The following RALGPS2 variants were observed in gnomAD, a reference collection of about 807,000 sequenced individuals.
The protein encoded by RALGPS2 is Ral GEF with PH domain and SH3 binding motif 2, also known as ras-specific guanine nucleotide-releasing factor RalGPS2.
In RALGPS2, 43 loss-of-function variants were observed where a neutral mutation model predicts 86.8. The ratio of observed to expected loss-of-function variants is 0.50; its 90% CI spans 0.39 to 0.64. RALGPS2 has a LOEUF of 0.64. Ranked by LOEUF, RALGPS2 falls within the 30% of genes least tolerant of loss-of-function variation. The probability of loss-of-function intolerance (pLI) is 0.00; values close to 1 mark genes in which losing one functional copy is unlikely to be tolerated. For missense variants in RALGPS2, 536 were observed against 694.6 expected, an observed-to-expected ratio of 0.77 and a Z score of 2.57; for synonymous variants, 243 against 231.3, an observed-to-expected ratio of 1.05 and a Z score of -0.46.
At chr1:178,783,202 A>G (rs1481483989) in intron 2 of RALGPS2, among the ~76,000 whole-genome samples, 2 of 152,206 alleles carry the variant, frequency 1.3e-5, no homozygotes, top group East Asian at 3.8e-4. Context: ...GCACTGTGAC[A>G]AAAACGAAGA....
In RALGPS2 at chr1:178,736,111, G is replaced by A. The variant is rs554505886; in HGVS notation, c.-84+10692G>A. Among the ~76,000 whole-genome samples the A allele has an allele frequency of 1.8e-4, 27 of 150,950 alleles. No homozygotes were observed. The South Asian group carries it at 5.2e-3, about 29-fold the overall frequency. On this transcript the variant is annotated intron_variant, in intron 1 of 19. Coordinates refer to ENST00000367635, the MANE Select transcript of RALGPS2 (RefSeq NM_152663.5). ...TCACTTGGCAGTTAGCTTTAAAAAC[G>A]TATATATGTTGATGTGTTATGTAAT...
chr1:178,900,838 G>T (rs1034734404), intron 17 of RALGPS2, among the ~76,000 whole-genome samples: 63 of 152,020 alleles, frequency 4.1e-4, no homozygotes, highest in Non-Finnish European at 8.8e-4. Flanking sequence ...TTCGCTGGTG[G>T]TTAAAGGGCA....
At chr1:178,878,299 TAAA>T (rs1196726357) in intron 9 of RALGPS2, among the ~76,000 whole-genome samples, 1 of 152,158 alleles carries the variant, frequency 6.6e-6, no homozygotes, top group Non-Finnish European at 1.5e-5. Flanking sequence ...TTTTATGGGT[TAAA>T]AAACTGAGTT....
At chr1:178,756,954 A>G (rs978093084) in intron 1 of RALGPS2, among the ~76,000 whole-genome samples, 3 of 152,138 alleles carry the variant, frequency 2.0e-5, no homozygotes, top group Non-Finnish European at 4.4e-5. Context: ...TGTTTGCATC[A>G]TATGTGATTT....
chr1:178,883,537 A>G lies in RALGPS2; in HGVS notation c.904+4A>G, dbSNP rs373650907. On this transcript the variant is annotated splice_donor_region_variant and intron_variant, in intron 11 of 19. Coordinates refer to ENST00000367635, the MANE Select transcript of RALGPS2 (RefSeq NM_152663.5). ...GCTTCCAGAGAAGATTTAGTAGGTC[A>G]GTACGTAGTTTTCTCTTGTTACCAA... 1.9e-6 allele frequency: 3 copies of G among 1,605,328 alleles called. No individual in the cohort carries two copies. The highest frequency in any genetic ancestry group is 2.6e-6 in the Non-Finnish European group (3 of 1,172,240).
chr1:178,864,364 C>T (rs1327983528), intron 8 of RALGPS2, among the ~76,000 whole-genome samples: 4 of 152,050 alleles, frequency 2.6e-5, no homozygotes, highest in African/African-American at 7.2e-5. Context: ...GATACCTTTT[C>T]TTGAGGCTGA....
rs571568563 is a variant in RALGPS2, at chr1:178,846,784, A to G, written c.607+13234A>G. On this transcript the variant is annotated intron_variant, in intron 8 of 19. Transcript: ENST00000367635. Reference sequence around the variant, plus strand: ...TTACCAGTGGTGTTTCCAACTGTGAATATTTCAGTGATTTGTTTTGTAATT... The same window carrying G: ...TTACCAGTGGTGTTTCCAACTGTGAGTATTTCAGTGATTTGTTTTGTAATT... 4.6e-5 allele frequency among the ~76,000 whole-genome samples: 7 copies of G among 152,344 alleles called. No homozygotes were observed. The South Asian group carries it at 1.2e-3, about 27-fold the overall frequency.
intron 8 of RALGPS2, among the ~76,000 whole-genome samples, chr1:178,874,464 A>T (rs1340739710): frequency 6.6e-6 from 1 of 152,194 alleles, no homozygotes; most frequent in Non-Finnish European, 1.5e-5. Flanking sequence ...GCGAGTTGTC[A>T]TCTGAGTTTA....
chr1:178,885,458 G>C (rs923694516), intron 12 of RALGPS2: 3 of 381,756 alleles, frequency 7.9e-6, no homozygotes, highest in Non-Finnish European at 1.4e-5. Flanking sequence ...ATTACAGAGG[G>C]CCATCATAAA....
intron 4 of RALGPS2, among the ~76,000 whole-genome samples, chr1:178,789,766 A>C (rs1316978002): frequency 6.6e-6 from 1 of 152,224 alleles, no homozygotes; most frequent in Non-Finnish European, 1.5e-5. Context: ...ACCAGATTTT[A>C]AGCTACATGA....
chr1:178,747,102 G>A (rs1651380394), intron 1 of RALGPS2: 3 of 892,998 alleles, frequency 3.4e-6, no homozygotes, highest in Admixed American at 1.9e-5. Flanking sequence ...CTTATGTTCA[G>A]TAACACTTGT....
chr1:178,746,955 G>T, intron 1 of RALGPS2: 2 of 1,004,624 alleles, frequency 2.0e-6, no homozygotes, highest in South Asian at 1.3e-5. Context: ...AAAGCAGGAG[G>T]TAGTCTTCCT....
intron 14 of RALGPS2, among the ~76,000 whole-genome samples, chr1:178,890,147 G>A (rs1659660781): frequency 6.6e-6 from 1 of 151,840 alleles, no homozygotes. Context: ...GAATTTAAAT[G>A]GTCATAAACT....
At chr1:178,913,730 G>C (rs1660707892) in intron 19 of RALGPS2, among the ~76,000 whole-genome samples, 1 of 152,088 alleles carries the variant, frequency 6.6e-6, no homozygotes, top group African/African-American at 2.4e-5. Context: ...TTCCTTTCTG[G>C]ATGTCTTCAG....
intron 4 of RALGPS2, among the ~76,000 whole-genome samples, chr1:178,797,922 CAT>C (rs1033276531): frequency 4.2e-5 from 6 of 141,278 alleles, no homozygotes; most frequent in Middle Eastern, 3.5e-3. Flanking sequence ...AGAATCCACT[CAT>C]ACACATATTT....
intron 8 of RALGPS2, among the ~76,000 whole-genome samples, chr1:178,874,406 T>C (rs1280844556): frequency 2.0e-5 from 3 of 152,192 alleles, no homozygotes; most frequent in East Asian, 1.9e-4. Flanking sequence ...AGTAGTCACA[T>C]GTGGCAAGTG....
At chr1:178,824,138 G>A (rs1229739679) in intron 7 of RALGPS2, among the ~76,000 whole-genome samples, 1 of 152,182 alleles carries the variant, frequency 6.6e-6, no homozygotes, top group Non-Finnish European at 1.5e-5. Context: ...GAGATGACCT[G>A]ACAATTGGAA....
At chr1:178,856,479 A>G (rs74944562) in intron 8 of RALGPS2, among the ~76,000 whole-genome samples, 3,043 of 131,386 alleles carry the variant, frequency 0.023, 116 homozygotes, top group African/African-American at 0.086. Flanking sequence ...TCCAGGTCTC[A>G]AGTGAACTCC....
At chr1:178,859,241 T>G (rs1657792377) in intron 8 of RALGPS2, among the ~76,000 whole-genome samples, 1 of 152,124 alleles carries the variant, frequency 6.6e-6, no homozygotes, top group South Asian at 2.1e-4. Flanking sequence ...TGTTTTGTAT[T>G]AAATGTTAGT....
Sources: allele counts gnomAD v4.1 joint callset (sites outside exome capture counted in the v4.1 genomes callset), GRCh38; gene constraint gnomAD v4.1.1; transcripts MANE v1.5; gene names NCBI Gene and HGNC (gene_info 2026-07-23, HGNC 2026-07-21).